The following SCAF4 variants were observed in gnomAD, a reference collection of about 807,000 sequenced individuals.
SCAF4 encodes SR-related and CTD-associated factor 4.
A neutral mutation model predicts 129.8 loss-of-function variants in SCAF4; 25 were observed. That is an observed-to-expected ratio of 0.19 (90% CI 0.14 to 0.27). SCAF4 has a LOEUF of 0.27. SCAF4 is among the 10% of genes least tolerant of loss of function. The probability of loss-of-function intolerance (pLI) is 1.00; values close to 1 mark genes in which losing one functional copy is unlikely to be tolerated. For synonymous variants in SCAF4, 551 were observed against 497.7 expected (o/e 1.11, Z -1.43); for missense variants, 1,246 against 1,457.1 (o/e 0.86, Z 2.36).
At chr21:31,692,675 G>T (rs577934234) in intron 12 of SCAF4, among the ~76,000 whole-genome samples, 38 of 152,244 alleles carry the variant, frequency 2.5e-4, no homozygotes, top group Middle Eastern at 6.8e-3. Flanking sequence ...GAAAAAACTG[G>T]TTTTTTTGTA....
At chr21:31,726,245 C>T (rs559931018) in intron 1 of SCAF4, among the ~76,000 whole-genome samples, 3 of 152,128 alleles carry the variant, frequency 2.0e-5, no homozygotes, top group Non-Finnish European at 2.9e-5. Context: ...CGGGGTTTCA[C>T]CGTGTTAGCC....
At chr21:31,716,386 T>C (rs142136942) in intron 1 of SCAF4, among the ~76,000 whole-genome samples, 5 of 152,214 alleles carry the variant, frequency 3.3e-5, no homozygotes, top group Admixed American at 6.5e-5. Flanking sequence ...GAAATACATA[T>C]ATACTCACAA....
At chr21:31,688,046 G>T (rs866808747) in intron 16 of SCAF4, among the ~76,000 whole-genome samples, 1 of 137,728 alleles carries the variant, frequency 7.3e-6, no homozygotes, top group Non-Finnish European at 1.5e-5. Flanking sequence ...GAATCTGGGA[G>T]GTGGAAGTTG....
chr21:31,712,673 C>T (rs1456140265), intron 1 of SCAF4, among the ~76,000 whole-genome samples: 5 of 151,826 alleles, frequency 3.3e-5, no homozygotes, highest in Non-Finnish European at 7.4e-5. Flanking sequence ...GGATTACAGG[C>T]GCCTGCCACC....
In SCAF4 at chr21:31,691,941, A is replaced by G. The variant is rs758333172; in HGVS notation, c.1615-11T>C. 1 of 1,346,748 alleles carries G rather than the reference A, an allele frequency of 7.4e-7. No homozygotes were observed. The highest frequency in any genetic ancestry group is 1.0e-6 in the Non-Finnish European group (1 of 957,024). The allele number at this position is 1,346,748 out of a possible 1,614,324, so 83.4% of individuals were successfully genotyped here. On this transcript the variant is annotated splice_polypyrimidine_tract_variant and intron_variant, in intron 13 of 19. Transcript: ENST00000286835. Reference sequence around the variant, plus strand: ...CCTGGGAGGAATCATCTGCTCCAAAACATTTTAATATTATAAAAGATAACA... The same window carrying G: ...CCTGGGAGGAATCATCTGCTCCAAAGCATTTTAATATTATAAAAGATAACA...
chr21:31,724,422 T>C (rs2051150707), intron 1 of SCAF4, among the ~76,000 whole-genome samples: 1 of 152,178 alleles, frequency 6.6e-6, no homozygotes, highest in African/African-American at 2.4e-5. Flanking sequence ...TATTCTGCTA[T>C]ATACCTGACA....
At chr21:31,681,344 G>T (rs1427242091) in intron 19 of SCAF4, among the ~76,000 whole-genome samples, 1 of 152,194 alleles carries the variant, frequency 6.6e-6, no homozygotes, top group Non-Finnish European at 1.5e-5. Flanking sequence ...ACACAGTACA[G>T]ATAGGTAACA....
chr21:31,731,473 G>C (rs931011325), intron 1 of SCAF4, among the ~76,000 whole-genome samples, 190 bp downstream of exon 1: 2 of 152,226 alleles, frequency 1.3e-5, no homozygotes, highest in Middle Eastern at 6.8e-3. Flanking sequence ...GGAGGGGTGC[G>C]GGGTCAGTTC....
intron 1 of SCAF4, chr21:31,706,743 A>G (rs2050673349): frequency 8.5e-6 from 2 of 234,520 alleles, no homozygotes; most frequent in Non-Finnish European, 1.7e-5. Context: ...AGGGAGGGGG[A>G]GCAAAGAGAA....
chr21:31,720,842 C>G (rs538337239), intron 1 of SCAF4, among the ~76,000 whole-genome samples: 2 of 152,288 alleles, frequency 1.3e-5, no homozygotes, highest in South Asian at 4.1e-4. Context: ...TTTGAACAAA[C>G]TTAGGATTCG....
intron 1 of SCAF4, among the ~76,000 whole-genome samples, chr21:31,717,684 T>TC (rs908864759): frequency 6.6e-6 from 1 of 151,636 alleles, no homozygotes; most frequent in African/African-American, 2.4e-5. Flanking sequence ...ATAAAGCCTT[T>TC]CAAAATTAGT....
intron 1 of SCAF4, among the ~76,000 whole-genome samples, chr21:31,728,318 A>C (rs76288614): frequency 6.6e-6 from 1 of 152,090 alleles, no homozygotes; most frequent in Non-Finnish European, 1.5e-5. Flanking sequence ...TCCTTAAGCA[A>C]CATTTCCCTC....
intron 15 of SCAF4, among the ~76,000 whole-genome samples, chr21:31,688,897 T>C (rs183271970): frequency 3.3e-5 from 5 of 152,300 alleles, no homozygotes; most frequent in African/African-American, 9.6e-5. Flanking sequence ...AAACACCCAA[T>C]ATTTCCTGAA....
chr21:31,684,998 G>C (rs1179134575), intron 19 of SCAF4, 51 bp downstream of exon 19: 4 of 590,240 alleles, frequency 6.8e-6, no homozygotes, highest in South Asian at 6.7e-5. Context: ...GGGTGGGGGG[G>C]TGGGGGGGGG....
At chr21:31,687,601 T>TCC (rs2050157051) in intron 16 of SCAF4, among the ~76,000 whole-genome samples, 1 of 152,130 alleles carries the variant, frequency 6.6e-6, no homozygotes, top group Non-Finnish European at 1.5e-5. Flanking sequence ...TCAATCCATT[T>TCC]AAAAATTTCA....
In SCAF4 at chr21:31,685,391, T is replaced by C; in HGVS notation, c.2296+7A>G. The C allele has an allele frequency of 6.2e-7, 1 of 1,604,132 alleles. No homozygotes were observed. The highest frequency in any genetic ancestry group is 8.5e-7 in the Non-Finnish European group (1 of 1,174,844). Reference sequence around the variant, plus strand: ...ATAAGCAAACACAAAGAAAAAAACATGCTTACAGTTTGGGATGCTTATTGG... The same window carrying C: ...ATAAGCAAACACAAAGAAAAAAACACGCTTACAGTTTGGGATGCTTATTGG... On this transcript the variant is annotated splice_region_variant and intron_variant, in intron 18 of 19. Coordinates refer to ENST00000286835, the MANE Select transcript of SCAF4 (RefSeq NM_020706.2).
chr21:31,674,147 G>A (rs1283174352), intron 19 of SCAF4, among the ~76,000 whole-genome samples: 1 of 152,130 alleles, frequency 6.6e-6, no homozygotes, highest in Admixed American at 6.5e-5. Flanking sequence ...AGGATGCAAA[G>A]CCACCTCAAC....
chr21:31,678,817 C>T (rs2123476512), intron 19 of SCAF4, among the ~76,000 whole-genome samples: 1 of 152,318 alleles, frequency 6.6e-6, no homozygotes, highest in Non-Finnish European at 1.5e-5. Context: ...ATCCGTGTTA[C>T]ACCCTTATAC....
At position 31,701,136 on chromosome 21, in the gene SCAF4, T is replaced by C. The variant is rs781311478; in HGVS notation, c.636A>G (p.Pro212=). 5.0e-6 allele frequency: 8 copies of C among 1,603,896 alleles called. No homozygotes were observed. The Admixed American group carries it at 1.4e-4, about 28-fold the overall frequency. The change falls in exon 7 of 20, where the codon CCA becomes CCG. Residue 212 remains proline (P), a synonymous_variant. Transcript: ENST00000286835. ...QQILQTFQQP[P]KPQSPALDNA... is the part of the protein sequence containing the mutation. Reference sequence around the variant, plus strand: ...TGTCAAGGGCAGGAGACTGTGGTTTTGGAGGCTGTTGAAAAGTCTGAAGGA... The same window carrying C: ...TGTCAAGGGCAGGAGACTGTGGTTTCGGAGGCTGTTGAAAAGTCTGAAGGA...
Sources: allele counts gnomAD v4.1 joint callset (sites outside exome capture counted in the v4.1 genomes callset), GRCh38; gene constraint gnomAD v4.1.1; transcripts MANE v1.5; gene names NCBI Gene and HGNC (gene_info 2026-07-23, HGNC 2026-07-21).